TC2N: variants seen among roughly 807,000 people sequenced by gnomAD.
TC2N encodes tandem C2 domains nuclear protein.
A neutral mutation model predicts 61.9 loss-of-function variants in TC2N; 51 were observed. The observed-to-expected ratio is 0.82, with a 90% CI of 0.66 to 1.04. TC2N has a LOEUF of 1.04. Among genes scored for constraint, TC2N ranks in the 50% least tolerant of loss-of-function variants. The pLI, the probability that TC2N is intolerant of heterozygous loss-of-function variation, is 0.00. For synonymous variants in TC2N, 204 were observed against 192.6 expected (o/e 1.06, Z -0.49); for missense variants, 556 against 566.7 (o/e 0.98, Z 0.19).
chr14:91,808,337 C>A (rs958025412), intron 3 of TC2N, among the ~76,000 whole-genome samples: 2 of 152,134 alleles, frequency 1.3e-5, no homozygotes, highest in African/African-American at 4.8e-5. Context: ...GTAGGCTACA[C>A]CATCTAGGTT....
chr14:91,845,512 T>A (rs1009632763), intron 1 of TC2N, among the ~76,000 whole-genome samples: 3 of 152,220 alleles, frequency 2.0e-5, no homozygotes, highest in South Asian at 2.1e-4. Context: ...CCATTGGAAT[T>A]GTCATCTCTT....
intron 4 of TC2N, among the ~76,000 whole-genome samples, chr14:91,801,619 G>A (rs1031094683): frequency 2.6e-5 from 4 of 152,196 alleles, no homozygotes; most frequent in African/African-American, 9.7e-5. Flanking sequence ...ATGCTGCAGT[G>A]AGCTGAGATT....
chr14:91,836,361 G>A (rs1888005171), intron 1 of TC2N: 1 of 151,932 alleles, frequency 6.6e-6, no homozygotes, highest in Non-Finnish European at 1.5e-5. Flanking sequence ...GCGCGGCCGC[G>A]GCCGGTTACC....
Position 91,800,206 on chromosome 14 carries a change from G to A in TC2N, c.561+75C>T. On this transcript the variant is annotated intron_variant, in intron 5 of 11. Transcript: ENST00000435962. ...AAAAAATATACAGCATATTCCTAAT[G>A]TAATTCATACATTTCTGAATTTTTA... The A allele has an allele frequency of 1.6e-5, 13 of 822,898 alleles. No individual in the cohort carries two copies. In the South Asian group the frequency reaches 2.4e-4, roughly 15 times the overall value. The allele number at this position is 822,898 out of a possible 1,614,324, so 51.0% of individuals were successfully genotyped here.
intron 1 of TC2N, among the ~76,000 whole-genome samples, chr14:91,814,567 AAG>A (rs551133312): frequency 1.1e-3 from 160 of 151,530 alleles, no homozygotes; most frequent in Non-Finnish European, 2.0e-3. Flanking sequence ...AGGATGGAGA[AAG>A]AGGTAAGAAA....
Position 91,867,043 on chromosome 14 carries a change from C to G in TC2N, c.-57+219G>C, listed in dbSNP as rs567760355. ...AACCCATCAGACCACATTTTGAAAG[C>G]GCAATTTGAGGTCCAAGAAGCCCTT... is the stretch of plus-strand genomic sequence containing the variant. On this transcript the variant is annotated intron_variant, in intron 1 of 11. Coordinates refer to ENST00000435962, the MANE Select transcript of TC2N (RefSeq NM_001128596.3). 6.6e-5 allele frequency among the ~76,000 whole-genome samples: 10 copies of G among 152,180 alleles called. No individual in the cohort carries two copies. In the South Asian group the frequency reaches 2.1e-3, roughly 32 times the overall value.
chr14:91,784,993 A>T (rs879175309), intron 11 of TC2N, among the ~76,000 whole-genome samples, 169 bp downstream of exon 11: 1 of 152,182 alleles, frequency 6.6e-6, no homozygotes, highest in Admixed American at 6.6e-5. Context: ...AACTATTTGT[A>T]TTAAAGCAAA....
chr14:91,863,458 GT>G (rs1888633832), intron 1 of TC2N, among the ~76,000 whole-genome samples: 2 of 152,322 alleles, frequency 1.3e-5, no homozygotes, highest in South Asian at 4.1e-4. Flanking sequence ...GAAAGTGGAA[GT>G]TACAAGCAAA....
At chr14:91,801,665 ACT>A (rs1330362281) in intron 4 of TC2N, among the ~76,000 whole-genome samples, 18 of 152,166 alleles carry the variant, frequency 1.2e-4, no homozygotes, top group Non-Finnish European at 1.0e-4. Flanking sequence ...ACAAAGTGAG[ACT>A]CTGTCTCAAA....
At chr14:91,849,785 C>T (rs575539086) in intron 1 of TC2N, among the ~76,000 whole-genome samples, 9 of 152,238 alleles carry the variant, frequency 5.9e-5, no homozygotes, top group South Asian at 2.1e-4. Context: ...CAGTGGCTTA[C>T]CCCTGTAATC....
At chr14:91,814,057 A>G (rs966654270) in intron 1 of TC2N, among the ~76,000 whole-genome samples, 3 of 147,352 alleles carry the variant, frequency 2.0e-5, no homozygotes, top group South Asian at 2.2e-4. Context: ...TAAAATCTGG[A>G]AAAAAAAAGA....
chr14:91,858,073 C>T (rs2139924260), intron 1 of TC2N, among the ~76,000 whole-genome samples: 1 of 151,986 alleles, frequency 6.6e-6, no homozygotes, highest in East Asian at 1.9e-4. Context: ...TTAAGTGATC[C>T]TCTCACTTCA....
intron 10 of TC2N, 96 bp downstream of exon 10, chr14:91,787,417 C>T (rs927118791): frequency 5.1e-5 from 34 of 669,622 alleles, no homozygotes; most frequent in Non-Finnish European, 8.0e-5. Context: ...ATAAAAGTTA[C>T]TAAGATTTTA....
At chr14:91,856,138 T>C (rs912486408) in intron 1 of TC2N, among the ~76,000 whole-genome samples, 4 of 152,064 alleles carry the variant, frequency 2.6e-5, no homozygotes, top group Non-Finnish European at 4.4e-5. Context: ...AAGCACCAGC[T>C]CTTTGGGGTC....
At chr14:91,803,959 G>A (rs1886383461) in intron 3 of TC2N, among the ~76,000 whole-genome samples, 1 of 152,112 alleles carries the variant, frequency 6.6e-6, no homozygotes, top group South Asian at 2.1e-4. Context: ...CATTCAGGGT[G>A]GTATGGCCAT....
In TC2N at chr14:91,812,424, A is replaced by G. The variant is rs779960529; in HGVS notation, c.189T>C (p.Leu63=). The change falls in exon 3 of 12, where the codon CTT becomes CTC. Residue 63 remains leucine (L), a synonymous_variant. Transcript: ENST00000435962. The part of the protein sequence containing the change: ...PQLGCTEDYL[L]SKLPSDGKEV... ...CTTTGCCATCAGATGGTAATTTGGA[A>G]AGCAAATAATCCTCAGTACAGCCAA... is the stretch of plus-strand genomic sequence containing the variant. 1.2e-6 allele frequency: 2 copies of G among 1,612,484 alleles called. No homozygotes were observed. Among genetic ancestry groups the G allele is most frequent in the African/African-American group, 2.7e-5 (2 of 74,876 alleles).
intron 1 of TC2N, among the ~76,000 whole-genome samples, chr14:91,863,795 G>A (rs1300003064): frequency 6.8e-6 from 1 of 147,388 alleles, no homozygotes; most frequent in Non-Finnish European, 1.5e-5. Flanking sequence ...AGATCAGCCT[G>A]GGCAAAAAAG....
chr14:91,854,498 GAGA>G (rs1179088469), intron 1 of TC2N, among the ~76,000 whole-genome samples: 3 of 116,068 alleles, frequency 2.6e-5, no homozygotes, highest in Admixed American at 1.7e-4. Flanking sequence ...TGGAGAGGAG[GAGA>G]AGGAGGTGGA....
At chr14:91,862,303 GC>G (rs1888606716) in intron 1 of TC2N, among the ~76,000 whole-genome samples, 1 of 145,264 alleles carries the variant, frequency 6.9e-6, no homozygotes, top group African/African-American at 2.6e-5. Context: ...TCACACCACT[GC>G]ACTCCAGCCT....
Sources: gnomAD v4.1 joint callset for allele counts (sites outside exome capture counted in the v4.1 genomes callset) on GRCh38, gnomAD v4.1.1 for gene constraint, MANE v1.5 for transcripts, NCBI Gene and HGNC (gene_info 2026-07-23, HGNC 2026-07-21) for gene names.